RBL1: variants seen among roughly 807,000 people sequenced by gnomAD.
RBL1 encodes the protein RB transcriptional corepressor like 1.
RBL1 carries 82 observed loss-of-function variants against 123.0 expected under a neutral mutation model. The ratio of observed to expected loss-of-function variants is 0.67; its 90% CI spans 0.56 to 0.80. The LOEUF is 0.80. Ranked by LOEUF, RBL1 falls within the 30% of genes least tolerant of loss-of-function variation. The pLI is 0.00. For synonymous variants in RBL1, 405 were observed against 441.3 expected (o/e 0.92, Z 1.03); for missense variants, 1,171 against 1,299.6 (o/e 0.90, Z 1.52).
intron 1 of RBL1, among the ~76,000 whole-genome samples, chr20:37,094,293 T>C (rs112373390): frequency 5.6e-4 from 85 of 152,340 alleles, no homozygotes; most frequent in Admixed American, 3.7e-3. Context: ...CTGTTTTCAA[T>C]TGAGACGCCA....
intron 11 of RBL1, among the ~76,000 whole-genome samples, chr20:37,053,741 C>T (rs2064958259): frequency 6.6e-6 from 1 of 152,100 alleles, no homozygotes; most frequent in South Asian, 2.1e-4. Flanking sequence ...TGCTTAAAGT[C>T]ACTGTTTCCA....
At chr20:37,052,330 C>CTTATTTAT (rs1339011676) in intron 11 of RBL1, among the ~76,000 whole-genome samples, 3 of 151,182 alleles carry the variant, frequency 2.0e-5, no homozygotes, top group Non-Finnish European at 4.4e-5. Context: ...CGTGCCCAGC[C>CTTATTTAT]TTATTTATTT....
At chr20:36,999,975 T>C (rs370649597) in intron 21 of RBL1, among the ~76,000 whole-genome samples, 7 of 145,648 alleles carry the variant, frequency 4.8e-5, no homozygotes, top group South Asian at 2.2e-4. Context: ...GTGAGGAGCC[T>C]CTCTGCCTGG....
intron 11 of RBL1, among the ~76,000 whole-genome samples, chr20:37,048,901 TAAAAA>T (rs948529702): frequency 9.0e-6 from 1 of 111,262 alleles, no homozygotes; most frequent in African/African-American, 3.3e-5. Context: ...ACCATCGTAT[TAAAAA>T]AAAAAAAAAA....
chr20:37,066,307 G>A (rs1018309621), intron 6 of RBL1, among the ~76,000 whole-genome samples: 1 of 152,166 alleles, frequency 6.6e-6, no homozygotes, highest in Non-Finnish European at 1.5e-5. Context: ...TTTTCTGCTC[G>A]ATTTACATGG....
intron 6 of RBL1, 120 bp downstream of exon 6, chr20:37,066,603 TA>T (rs1199728331): frequency 2.2e-6 from 2 of 888,930 alleles, no homozygotes; most frequent in East Asian, 2.5e-5. Flanking sequence ...CAGTAGAGGC[TA>T]AAGCCTGGGA....
chr20:37,023,998 T>C (rs762760275), intron 16 of RBL1, among the ~76,000 whole-genome samples: 3 of 151,248 alleles, frequency 2.0e-5, no homozygotes, highest in South Asian at 2.1e-4. Context: ...TTGCCTAGGG[T>C]GGTCTCGAAC....
chr20:37,000,141 G>A (rs548251931), intron 21 of RBL1, among the ~76,000 whole-genome samples: 176 of 148,954 alleles, frequency 1.2e-3, no homozygotes, highest in African/African-American at 4.1e-3. Context: ...CTGCCCGGCC[G>A]CCCCGTCTGA....
intron 19 of RBL1, among the ~76,000 whole-genome samples, chr20:37,015,575 C>T (rs1386825166): frequency 2.6e-5 from 4 of 151,776 alleles, no homozygotes; most frequent in Non-Finnish European, 4.4e-5. Context: ...GGACTACAGG[C>T]GCCCGCCACC....
At chr20:37,076,184 C>T (rs1386345641) in intron 2 of RBL1, among the ~76,000 whole-genome samples, 1 of 152,156 alleles carries the variant, frequency 6.6e-6, no homozygotes, top group African/African-American at 2.4e-5. Context: ...CCCCATTTAT[C>T]CTCAGGGAAT....
intron 2 of RBL1, among the ~76,000 whole-genome samples, chr20:37,085,437 A>T (rs2065526260): frequency 2.0e-5 from 3 of 151,790 alleles, no homozygotes; most frequent in African/African-American, 7.3e-5. Flanking sequence ...TGCGTGGCCA[A>T]GGATACTGCT....
chr20:37,056,081 A>C (rs1278927584), intron 10 of RBL1, 65 bp downstream of exon 10: 1 of 1,528,374 alleles, frequency 6.5e-7, no homozygotes, highest in Non-Finnish European at 8.7e-7. Flanking sequence ...AAAAACCGTG[A>C]ATTTCTAATT....
intron 13 of RBL1, 34 bp downstream of exon 13, chr20:37,044,052 T>A (rs776539811): frequency 1.3e-5 from 18 of 1,412,822 alleles, no homozygotes; most frequent in East Asian, 2.4e-5. Context: ...TTTTTTTTTT[T>A]AATGATACGA....
intron 11 of RBL1, 66 bp downstream of exon 11, chr20:37,055,487 C>T (rs2064988256): frequency 1.2e-6 from 2 of 1,609,466 alleles, no homozygotes; most frequent in Non-Finnish European, 1.7e-6. Flanking sequence ...TACAGAGCCT[C>T]TCAAAACACT....
chr20:37,009,029 CTTTTT>C (rs541774638), intron 19 of RBL1, among the ~76,000 whole-genome samples: 1 of 146,266 alleles, frequency 6.8e-6, no homozygotes, highest in Non-Finnish European at 1.5e-5. Context: ...CCCCAAAACA[CTTTTT>C]TTTTTTTTGA....
rs757950188 is a variant in RBL1, at chr20:37,035,423, C to T, written c.1989G>A (p.Glu663=). 8.7e-6 allele frequency: 14 copies of T among 1,613,828 alleles called. No homozygotes were observed. Among genetic ancestry groups the T allele is most frequent in the Non-Finnish European group, 1.2e-5 (14 of 1,179,938 alleles). ...CCATAAGCATTTCCTTTGGGGGGTC[C>T]TCTCCAAAGAGTCTTCTCTTAGCAC... ...AGSAKRRLFG[E]DPPKEMLMDK... The change falls in exon 15 of 22, where the codon GAG becomes GAA. Residue 663 remains glutamate, a synonymous_variant. Transcript: ENST00000373664.
intron 15 of RBL1, among the ~76,000 whole-genome samples, chr20:37,033,526 G>T (rs6103336): frequency 0.028 from 4,270 of 150,798 alleles, 148 homozygotes; most frequent in African/African-American, 0.081. Context: ...TGTTGCCCAG[G>T]TTAGTCTCGA....
Position 37,007,431 on chromosome 20 carries a change from A to G in RBL1, c.2851T>C (p.Leu951=), listed in dbSNP as rs1222563734. The G allele has an allele frequency of 6.2e-7, 1 of 1,613,762 alleles. No homozygotes were observed. Among genetic ancestry groups the G allele is most frequent in the African/African-American group, 1.3e-5 (1 of 74,922 alleles). ...CATACCATATGGTCCTGATTCGCCA[A>G]GTCGTATTTCAGTGCAAATGACTTC... The part of the protein sequence containing the change: ...RVKSFALKYD[L]ANQDHMMDAP... Residue 951 remains leucine, a synonymous_variant, in exon 20 of 22, where the codon TTG becomes CTG. Coordinates refer to ENST00000373664, the MANE Select transcript of RBL1 (RefSeq NM_002895.5).
Position 37,055,536 on chromosome 20 carries a change from A to G in RBL1, c.1467+17T>C, listed in dbSNP as rs1262564151. On this transcript the variant is annotated intron_variant, in intron 11 of 21. Coordinates refer to ENST00000373664, the MANE Select transcript of RBL1 (RefSeq NM_002895.5). The stretch of plus-strand genomic sequence containing the variant: ...CTTTTGGACCTTGCCAGTAGCTCAG[A>G]GAGTGGATTTACTTACTGACATGTC... 1 of 1,613,950 alleles carries G rather than the reference A, an allele frequency of 6.2e-7. No individual in the cohort carries two copies. Among genetic ancestry groups the G allele is most frequent in the Admixed American group, 1.7e-5 (1 of 60,006 alleles).
Sources: gnomAD v4.1 joint callset for allele counts (sites outside exome capture counted in the v4.1 genomes callset) on GRCh38, gnomAD v4.1.1 for gene constraint, MANE v1.5 for transcripts, NCBI Gene and HGNC (gene_info 2026-07-23, HGNC 2026-07-21) for gene names.